Variants in FSD1 observed in about 807,000 individuals in gnomAD.
FSD1 encodes the protein fibronectin type III and SPRY domain-containing protein 1.
FSD1 carries 23 observed loss-of-function variants against 58.2 expected under a neutral mutation model. The observed-to-expected ratio is 0.40, with a 90% CI of 0.28 to 0.56. FSD1 has a LOEUF of 0.56. FSD1 is among the 20% of genes least tolerant of loss of function. The pLI, the probability that FSD1 is intolerant of heterozygous loss-of-function variation, is 0.54. For missense variants in FSD1, 563 were observed against 670.8 expected (o/e 0.84, Z 1.78); for synonymous variants, 265 against 263.4 (o/e 1.01, Z -0.06).
At position 4,318,917 on chromosome 19, in the gene FSD1, G is replaced by T. The variant is rs1299416985; in HGVS notation, c.1005G>T (p.Arg335=). ...GGATGCCCTCAGGTCGTGGGGGACGGGACCGCTTCACCGCTGAGTCCTACA... is the reference window on the plus strand; with the variant it reads ...GGATGCCCTCAGGTCGTGGGGGACGTGACCGCTTCACCGCTGAGTCCTACA... The part of the protein sequence containing the change: ...PKRMPSGRGG[R]DRFTAESYTV... The change falls in exon 10 of 13, where the codon CGG becomes CGT. Residue 335 remains arginine, a synonymous_variant. Coordinates refer to ENST00000221856, the MANE Select transcript of FSD1 (RefSeq NM_024333.3). The T allele has an allele frequency of 1.9e-6, 3 of 1,613,560 alleles. No homozygotes were observed. The highest frequency in any genetic ancestry group is 2.5e-6 in the Non-Finnish European group (3 of 1,179,976).
chr19:4,305,297 ATTTC>A (rs1452633478), intron 1 of FSD1, among the ~76,000 whole-genome samples: 1 of 146,722 alleles, frequency 6.8e-6, no homozygotes, highest in Non-Finnish European at 1.5e-5. Flanking sequence ...TGCCCAGGTA[ATTTC>A]TTTCTCCTTG....
At chr19:4,314,934 T>G (rs534921877) in intron 7 of FSD1, among the ~76,000 whole-genome samples, 1 of 152,346 alleles carries the variant, frequency 6.6e-6, no homozygotes, top group African/African-American at 2.4e-5. Context: ...TAACCATGGC[T>G]TCCTGCCTTT....
rs538035767 is a variant in FSD1, at chr19:4,313,233, A to C, written c.700+1182A>C. Among the ~76,000 whole-genome samples, 55 of 151,904 alleles carry C rather than the reference A, an allele frequency of 3.6e-4. No homozygotes were observed. In the East Asian group the frequency reaches 9.3e-3, roughly 26 times the overall value. On this transcript the variant is annotated intron_variant, in intron 7 of 12. Coordinates refer to ENST00000221856, the MANE Select transcript of FSD1 (RefSeq NM_024333.3). Reference sequence around the variant, plus strand: ...CTGAGCATGGTGGTCCCCGCTACCAAGGGAGGCTAAGGTGGGAGGATTGTT... The same window carrying C: ...CTGAGCATGGTGGTCCCCGCTACCACGGGAGGCTAAGGTGGGAGGATTGTT...
chr19:4,307,531 C>T (rs1971635748), intron 3 of FSD1, among the ~76,000 whole-genome samples: 1 of 152,134 alleles, frequency 6.6e-6, no homozygotes, highest in Non-Finnish European at 1.5e-5. Flanking sequence ...CCACACCCAG[C>T]TACTTTTTTC....
At chr19:4,310,688 G>A (rs1396937996) in intron 6 of FSD1, 92 bp downstream of exon 6, 13 of 1,427,092 alleles carry the variant, frequency 9.1e-6, no homozygotes, top group Non-Finnish European at 1.2e-5. Flanking sequence ...TATGGTGGAC[G>A]ACCCGGTGTC....
At chr19:4,312,773 C>G (rs546443683) in intron 7 of FSD1, among the ~76,000 whole-genome samples, 2 of 151,700 alleles carry the variant, frequency 1.3e-5, no homozygotes, top group African/African-American at 4.8e-5. Context: ...CCACTGCACT[C>G]CAGCCTGGGC....
chr19:4,322,081 T>C (rs1411006069), intron 10 of FSD1, among the ~76,000 whole-genome samples: 1 of 121,610 alleles, frequency 8.2e-6, no homozygotes, highest in Admixed American at 9.2e-5. Flanking sequence ...CCTCAAGGAT[T>C]ATCGGGGGGA....
Position 4,323,092 on chromosome 19 carries a change from G to A in FSD1, c.1146G>A (p.Glu382=). The change falls in exon 11 of 13, where the codon GAG becomes GAA. Residue 382 remains glutamate, a synonymous_variant. Coordinates refer to ENST00000221856, the MANE Select transcript of FSD1 (RefSeq NM_024333.3). The surrounding 1 kb of genome is among the most constrained non-coding windows in gnomAD (Gnocchi z 7.7). ...CCTACCGCAGCCTGGGCCGCTTCGA[G>A]CAACTGGGCAAGACGGCCGCCTCCT... ...GVAYRSLGRF[E]QLGKTAASWC... 6.2e-7 allele frequency: 1 copy of A among 1,609,880 alleles called. No homozygotes were observed. The highest frequency in any genetic ancestry group is 8.5e-7 in the Non-Finnish European group (1 of 1,179,754).
chr19:4,305,125 G>A (rs1188175187), intron 1 of FSD1, among the ~76,000 whole-genome samples: 1 of 52,454 alleles, frequency 1.9e-5, no homozygotes, highest in African/African-American at 7.6e-5. Context: ...GGACCCCACC[G>A]ACCCTGCCCC....
At position 4,323,501 on chromosome 19, in the gene FSD1, A is replaced by AGGGGGGGGGGGGGG; in HGVS notation, c.1381-31_1381-30insGGGGGGGGGGGGGG. On this transcript the variant is annotated intron_variant, in intron 12 of 12. Coordinates refer to ENST00000221856, the MANE Select transcript of FSD1 (RefSeq NM_024333.3). This position sits in a 1 kb window ranked among gnomAD's most constrained non-coding sequence, Gnocchi z 7.7. ...TGCTGGGCGCTGGGGTTTGAAGCTG[A>AGGGGGGGGGGGGGG]GCCCCTCCCCCCTCCCCCCGCTGTC... is the stretch of plus-strand genomic sequence containing the variant. 7.1e-7 allele frequency: 1 copy of AGGGGGGGGGGGGGG among 1,412,762 alleles called. No individual in the cohort carries two copies. The highest frequency in any genetic ancestry group is 1.0e-6 in the Non-Finnish European group (1 of 998,328). 87.5% of individuals were successfully genotyped at this position (1,412,762 alleles called of 1,614,324 possible). A position where few individuals can be genotyped will look rare whatever the true frequency, so the allele number is the denominator to read the frequency against.
intron 7 of FSD1, among the ~76,000 whole-genome samples, chr19:4,314,023 G>C (rs890366462): frequency 6.7e-6 from 1 of 150,204 alleles, no homozygotes; most frequent in Non-Finnish European, 1.5e-5. Flanking sequence ...GGGAGACTCC[G>C]TCTCAAAAAA....
rs149694101 is a variant in FSD1, at chr19:4,307,901, C to T, written c.263C>T (p.Thr88Met). ...YELQNQLAAC[T>M]RALESSEELL... ...CCACAGAACCAGCTGGCTGCCTGCA[C>T]GCGGGCCCTGGAGAGCTCCGAGGAG... Residue 88 changes from threonine to methionine, a missense_variant, in exon 4 of 13, where the codon ACG (threonine) becomes ATG (methionine). Coordinates refer to ENST00000221856, the MANE Select transcript of FSD1 (RefSeq NM_024333.3). 6.4e-4 allele frequency: 1,040 copies of T among 1,613,382 alleles called. 2 individuals are homozygous for T. Among genetic ancestry groups the T allele is most frequent in the Non-Finnish European group, 7.9e-4 (928 of 1,179,782 alleles).
rs376996632 is a variant in FSD1, at chr19:4,323,520, C to T, written c.1381-13C>T. 1,373 of 1,580,490 alleles carry T rather than the reference C, an allele frequency of 8.7e-4. No homozygotes were observed. Among genetic ancestry groups the T allele is most frequent in the Non-Finnish European group, 1.1e-3 (1,286 of 1,150,950 alleles). ...AAGCTGAGCCCCTCCCCCCTCCCCC[C>T]GCTGTCCCTCAGGTATGGTGTGGCA... On this transcript the variant is annotated splice_polypyrimidine_tract_variant and intron_variant, in intron 12 of 12. Coordinates refer to ENST00000221856, the MANE Select transcript of FSD1 (RefSeq NM_024333.3). The surrounding 1 kb of genome is among the most constrained non-coding windows in gnomAD (Gnocchi z 7.7).
rs767164657 is a variant in FSD1 at position 4,318,335 on chromosome 19, C to T, written c.800-11C>T. 3 of 1,613,744 alleles carry T rather than the reference C, an allele frequency of 1.9e-6. No individual in the cohort carries two copies. In the South Asian group the frequency reaches 3.3e-5, roughly 18 times the overall value. On this transcript the variant is annotated splice_polypyrimidine_tract_variant and intron_variant, in intron 8 of 12. Transcript: ENST00000221856. The stretch of plus-strand genomic sequence containing the variant: ...CCCATCTCTGTGACTCCCACGTCTG[C>T]CCGGCCCCAGCGTTCATGTTCCGCC...
At chr19:4,317,604 C>T (rs1393655357) in intron 8 of FSD1, among the ~76,000 whole-genome samples, 1 of 152,194 alleles carries the variant, frequency 6.6e-6, no homozygotes, top group African/African-American at 2.4e-5. Context: ...CACAGTGACA[C>T]CTTCACATGC....
intron 10 of FSD1, among the ~76,000 whole-genome samples, chr19:4,321,545 T>A (rs895341434): frequency 1.4e-5 from 2 of 144,456 alleles, no homozygotes; most frequent in Non-Finnish European, 3.0e-5. Context: ...GACTGAGAAG[T>A]ATCTGGGGGA....
Position 4,307,986 on chromosome 19 carries a change from G to A in FSD1, c.345+3G>A. On this transcript the variant is annotated splice_donor_region_variant and intron_variant, in intron 4 of 12. Coordinates refer to ENST00000221856, the MANE Select transcript of FSD1 (RefSeq NM_024333.3). ...TGGACAGCGAGGACTTTCCTCAGGT[G>A]GGTGCCTCTGATGCTGCCAGGTAAA... is the stretch of plus-strand genomic sequence containing the variant. 1 of 1,609,036 alleles carries A rather than the reference G, an allele frequency of 6.2e-7. No homozygotes were observed. The highest frequency in any genetic ancestry group is 8.5e-7 in the Non-Finnish European group (1 of 1,176,126).
chr19:4,307,273 C>T (rs573032974), intron 3 of FSD1, among the ~76,000 whole-genome samples: 4 of 152,108 alleles, frequency 2.6e-5, no homozygotes, highest in South Asian at 2.1e-4. Context: ...CTAGACTAGT[C>T]TTGAACTCAT....
intron 7 of FSD1, among the ~76,000 whole-genome samples, chr19:4,313,694 G>A (rs527741243): frequency 6.7e-6 from 1 of 148,252 alleles, no homozygotes; most frequent in South Asian, 2.1e-4. Context: ...CTCCAGCCTG[G>A]TTACAGAGCG....
Sources: gnomAD v4.1 joint callset for allele counts (sites outside exome capture counted in the v4.1 genomes callset) on GRCh38, gnomAD v4.1.1 for gene constraint, Gnocchi (gnomAD v3.1) non-coding constraint, MANE v1.5 for transcripts, NCBI Gene and HGNC (gene_info 2026-07-23, HGNC 2026-07-21) for gene names.